The following DMD variants were observed in gnomAD, a reference collection of about 807,000 sequenced individuals.
The protein encoded by DMD is mutant dystrophin.
A neutral mutation model predicts 330.1 loss-of-function variants in DMD; 63 were observed. The ratio of observed to expected loss-of-function variants is 0.19; its 90% confidence interval spans 0.16 to 0.24. The LOEUF is 0.24. Among genes scored for constraint, DMD ranks in the 10% least tolerant of loss-of-function variants. DMD has a pLI of 1.00. For missense variants in DMD, 3,344 were observed against 2,684.1 expected (o/e 1.25, Z -5.43); for synonymous variants, 1,223 against 959.8 (o/e 1.27, Z -5.07).
intron 44 of DMD, among the ~76,000 whole-genome samples, chrX:32,149,879 A>G: frequency 8.9e-6 from 1 of 112,159 alleles, no homozygotes; most frequent in Non-Finnish European, 1.9e-5. Context: ...CAGACCAAAC[A>G]CATATATGGC....
At chrX:32,162,321 AC>A in intron 44 of DMD, among the ~76,000 whole-genome samples, 1 of 111,298 alleles carries the variant, frequency 9.0e-6, no homozygotes, top group South Asian at 3.9e-4. Flanking sequence ...TGAATCAGTA[AC>A]ATCCCTCAGC....
At chrX:32,954,424 C>T (rs1235819780) in intron 2 of DMD, among the ~76,000 whole-genome samples, 1 of 111,828 alleles carries the variant, frequency 8.9e-6, no homozygotes, top group African/African-American at 3.3e-5. Context: ...TCTTCTCACC[C>T]TACACATGGC....
rs895379282 is a variant in DMD, at chrX:32,325,003, A to C, written c.5923-14727T>G. On this transcript the variant is annotated intron_variant, in intron 41 of 78. Coordinates refer to ENST00000357033, the MANE Select transcript of DMD (RefSeq NM_004006.3). ...TCATCATCTAAGACTTTCACAAAGAATGTATAAGATCTATATACATTACCT... is the reference window on the plus strand; with the variant it reads ...TCATCATCTAAGACTTTCACAAAGACTGTATAAGATCTATATACATTACCT... 2.7e-5 allele frequency among the ~76,000 whole-genome samples: 3 copies of C among 111,784 alleles called. No individual in the cohort carries two copies. The Admixed American group carries it at 2.9e-4, about 11-fold the overall frequency.
At chrX:31,783,692 T>C (rs1187901222) in intron 50 of DMD, among the ~76,000 whole-genome samples, 1 of 111,075 alleles carries the variant, frequency 9.0e-6, no homozygotes, top group East Asian at 2.8e-4. Context: ...TATGTATATA[T>C]AGTCTAAATA....
At chrX:33,062,741 T>C (rs950292645) in intron 1 of DMD, among the ~76,000 whole-genome samples, 1 of 112,142 alleles carries the variant, frequency 8.9e-6, no homozygotes, top group Non-Finnish European at 1.9e-5. Flanking sequence ...CCTCCCAAAG[T>C]GCTGGGATAA....
Position 32,981,246 on chromosome X carries a change from T to C in DMD, c.93+38893A>G, listed in dbSNP as rs779808951. On this transcript the variant is annotated intron_variant, in intron 2 of 78. Coordinates refer to ENST00000357033, the MANE Select transcript of DMD (RefSeq NM_004006.3). ...TATTCAAACTTCTTGCTAATTATCA[T>C]CACAAGCCGCTATTTCTGTCATTTT... is the stretch of plus-strand genomic sequence containing the variant. Among the ~76,000 whole-genome samples, 10 of 112,050 alleles carry C rather than the reference T, an allele frequency of 8.9e-5. No homozygotes were observed. The South Asian group carries it at 3.3e-3, about 37-fold the overall frequency.
chrX:32,996,164 G>T (rs1273968026), intron 2 of DMD, among the ~76,000 whole-genome samples: 2 of 111,524 alleles, frequency 1.8e-5, no homozygotes, highest in Non-Finnish European at 3.8e-5. Flanking sequence ...CAAAGACAAA[G>T]TATCATTTTG....
intron 44 of DMD, among the ~76,000 whole-genome samples, chrX:32,097,351 T>C (rs2096515301): frequency 9.0e-6 from 1 of 111,148 alleles, no homozygotes; most frequent in Admixed American, 9.6e-5. Context: ...AAATGCGGTG[T>C]CTGTTTTTCC....
At chrX:31,409,031 G>C (rs2061528120) in intron 60 of DMD, among the ~76,000 whole-genome samples, 1 of 110,871 alleles carries the variant, frequency 9.0e-6, no homozygotes, top group African/African-American at 3.3e-5. Context: ...TGAGAACATG[G>C]GGTGTTTGGT....
At chrX:33,153,080 T>A (rs2048352592) in intron 1 of DMD, among the ~76,000 whole-genome samples, 1 of 112,603 alleles carries the variant, frequency 8.9e-6, no homozygotes, top group South Asian at 3.6e-4. Context: ...ACTTTTGGGC[T>A]ACAAATCATT....
intron 49 of DMD, among the ~76,000 whole-genome samples, chrX:31,836,101 T>C (rs1213834404): frequency 8.9e-6 from 1 of 111,740 alleles, no homozygotes; most frequent in African/African-American, 3.3e-5. Context: ...CCTTATGTAA[T>C]AGCCTGTGAA....
intron 11 of DMD, among the ~76,000 whole-genome samples, chrX:32,636,210 T>G (rs1304574463): frequency 3.6e-5 from 4 of 112,238 alleles, no homozygotes; most frequent in Admixed American, 1.9e-4. Flanking sequence ...TATGCTGACA[T>G]CTTGGGCTAG....
At chrX:31,703,625 A>G (rs182351235) in intron 52 of DMD, among the ~76,000 whole-genome samples, 26 of 112,202 alleles carry the variant, frequency 2.3e-4, no homozygotes, top group African/African-American at 8.4e-4. Flanking sequence ...GTAAAAGTGA[A>G]AATCATCACA....
intron 7 of DMD, among the ~76,000 whole-genome samples, chrX:32,732,705 C>G (rs1052198185): frequency 9.0e-6 from 1 of 110,785 alleles, no homozygotes; most frequent in African/African-American, 3.3e-5. Context: ...TACAGACAAG[C>G]AAATGCTGAG....
At chrX:32,713,993 G>C (rs988603013) in intron 7 of DMD, among the ~76,000 whole-genome samples, 12 of 111,948 alleles carry the variant, frequency 1.1e-4, no homozygotes, top group African/African-American at 3.9e-4. Flanking sequence ...AAAAACTAAA[G>C]TACTGAATAT....
chrX:31,919,592 G>A (rs150124786), intron 47 of DMD, among the ~76,000 whole-genome samples: 206 of 111,893 alleles, frequency 1.8e-3, no homozygotes, highest in African/African-American at 6.1e-3. Flanking sequence ...TACTTGTCCC[G>A]GTGATAACTG....
chrX:32,837,626 C>T (rs1367360100), intron 4 of DMD, among the ~76,000 whole-genome samples: 1 of 112,016 alleles, frequency 8.9e-6, no homozygotes, highest in Admixed American at 9.6e-5. Flanking sequence ...CCTGATTACA[C>T]TCTCTTCAAC....
chrX:31,844,940 G>A (rs2093386237), intron 48 of DMD, among the ~76,000 whole-genome samples: 2 of 109,526 alleles, frequency 1.8e-5, no homozygotes. Flanking sequence ...TATGTACCAG[G>A]AAACCAAAAA....
At position 32,438,161 on chromosome X, in the gene DMD, G is replaced by T. The variant is rs775013876; in HGVS notation, c.4071+80C>A. 2.2e-5 allele frequency: 23 copies of T among 1,036,020 alleles called. No individual in the cohort carries two copies. The East Asian group carries it at 7.1e-4, about 32-fold the overall frequency. 85.4% of individuals were successfully genotyped at this position (1,036,020 alleles called of 1,213,427 possible). ...AAGCTGAGCTAATATTTAAACTATTGCTCATTTTATCTGAGAGGCCTGTAT... is the reference window on the plus strand; with the variant it reads ...AAGCTGAGCTAATATTTAAACTATTTCTCATTTTATCTGAGAGGCCTGTAT... On this transcript the variant is annotated intron_variant, in intron 29 of 78. Transcript: ENST00000357033.
Sources: allele counts gnomAD v4.1 joint callset (sites outside exome capture counted in the v4.1 genomes callset), GRCh38; gene constraint gnomAD v4.1.1; transcripts MANE v1.5; gene names NCBI Gene and HGNC (gene_info 2026-07-23, HGNC 2026-07-21).